The following CELF2 variants were observed in gnomAD, a reference collection of about 807,000 sequenced individuals.
CELF2 encodes the protein CUGBP Elav-like family member 2.
CELF2 carries 8 observed loss-of-function variants against 62.6 expected under a neutral mutation model. The ratio of observed to expected loss-of-function variants is 0.13; its 90% CI spans 0.07 to 0.23. The LOEUF (loss-of-function observed/expected upper bound fraction) is 0.23, where lower values mean the gene tolerates loss of function less well. CELF2 is among the 10% of genes least tolerant of loss of function. The pLI, the probability that CELF2 is intolerant of heterozygous loss-of-function variation, is 1.00. For synonymous variants in CELF2, 258 were observed against 250.0 expected (o/e 1.03, Z -0.30); for missense variants, 333 against 671.0 (o/e 0.50, Z 5.56).
At chr10:10,795,725 A>AAC (rs371208232), upstream of CELF2, among the ~76,000 whole-genome samples, 179 of 150,904 alleles carry the variant, frequency 1.2e-3, no homozygotes, top group African/African-American at 4.2e-3. Context: ...TGTAAACATA[A>AAC]ACACACACAC....
At chr10:11,002,755 G>A (rs1190262366), upstream of CELF2, among the ~76,000 whole-genome samples, 1 of 152,182 alleles carries the variant, frequency 6.6e-6, no homozygotes, top group Non-Finnish European at 1.5e-5. The surrounding 1 kb of genome is among the most constrained non-coding windows in gnomAD (Gnocchi z 4.4). Flanking sequence ...GAATATCTCA[G>A]TGTAGTCATC....
rs1283459414 is a variant in CELF2 at position 10,972,205 on chromosome 10, A to T, written c.89+52206A>T. On this transcript the variant is annotated intron_variant, in intron 2 of 13. Transcript: ENST00000636488. The surrounding 1 kb of genome is among the most constrained non-coding windows in gnomAD (Gnocchi z 4.4). The stretch of plus-strand genomic sequence containing the variant: ...TTCAGGGAAACTCGCTACCTAGGTT[A>T]TCCCAAAGCATGCACCAAAGAACAC... Among the ~76,000 whole-genome samples the T allele has an allele frequency of 1.3e-5, 2 of 152,204 alleles. No homozygotes were observed. Among genetic ancestry groups the T allele is most frequent in the African/African-American group, 4.8e-5 (2 of 41,448 alleles).
At chr10:11,301,508 TCCCACAGCACCCCCC>T (rs2093746843) in intron 9 of CELF2, among the ~76,000 whole-genome samples, 2 of 58,332 alleles carry the variant, frequency 3.4e-5, no homozygotes, top group African/African-American at 1.8e-4. Flanking sequence ...CCCACCCCGC[TCCCACAGCACCCCCC>T]ACCCCGCTCC....
At chr10:10,767,982 C>T in the CELF2 span, among the ~76,000 whole-genome samples, 2 of 106,032 alleles carry the variant, frequency 1.9e-5, no homozygotes, top group Non-Finnish European at 1.8e-5. Flanking sequence ...GGCGACAGAG[C>T]GAGACTCCGT....
Position 11,314,451 on chromosome 10 carries a change from T to C in CELF2, c.1096+193T>C, listed in dbSNP as rs1342102152. The C allele has an allele frequency of 4.3e-6, 3 of 692,486 alleles. No homozygotes were observed. The East Asian group carries it at 8.4e-5, about 19-fold the overall frequency. 42.9% of individuals were successfully genotyped at this position (692,486 alleles called of 1,614,324 possible). A position where few individuals can be genotyped will look rare whatever the true frequency, so the allele number is the denominator to read the frequency against. On this transcript the variant is annotated intron_variant, in intron 10 of 12. Transcript: ENST00000633077. The surrounding 1 kb of genome is among the most constrained non-coding windows in gnomAD (Gnocchi z 5.3). The stretch of plus-strand genomic sequence containing the variant: ...TTTGCCTCAGAAAATCCCCAACCAC[T>C]CTCCACCCCCAGATTCTCTTCAGTG...
chr10:10,758,747 C>G, the CELF2 span, among the ~76,000 whole-genome samples: 2 of 152,202 alleles, frequency 1.3e-5, no homozygotes, highest in Non-Finnish European at 2.9e-5. Context: ...TAAGTAGCAT[C>G]CAGTGTGTAA....
intron 1 of CELF2, among the ~76,000 whole-genome samples, chr10:11,153,572 G>T (rs1424109483): frequency 1.3e-5 from 2 of 152,148 alleles, no homozygotes; most frequent in Admixed American, 1.3e-4. Context: ...GTCACAGGTC[G>T]TACCTGACTC....
the CELF2 span, among the ~76,000 whole-genome samples, chr10:10,780,727 C>T: frequency 6.6e-6 from 1 of 152,214 alleles, no homozygotes; most frequent in Non-Finnish European, 1.5e-5. Flanking sequence ...CATCCACCTG[C>T]TTTGGCTTCC....
At chr10:10,857,682 T>TA (rs59587498) in intron 1 of CELF2, among the ~76,000 whole-genome samples, 22 of 135,694 alleles carry the variant, frequency 1.6e-4, no homozygotes, top group East Asian at 1.1e-3. Flanking sequence ...TATATATATA[T>TA]TTTACCTCAA....
chr10:11,156,087 C>G lies in CELF2; in HGVS notation c.75-9399C>G, dbSNP rs184321970. On this transcript the variant is annotated intron_variant, in intron 1 of 12. Coordinates refer to ENST00000633077, the MANE Select transcript of CELF2 (RefSeq NM_001326342.2). This position sits in a 1 kb window ranked among gnomAD's most constrained non-coding sequence, Gnocchi z 4.3. The stretch of plus-strand genomic sequence containing the variant: ...CTTTAGTCCAAATTAGGAAAGCCCA[C>G]CAACCAGTTTTATATTAATAATAAT... Among the ~76,000 whole-genome samples the G allele has an allele frequency of 3.9e-5, 6 of 152,234 alleles. No individual in the cohort carries two copies. In the East Asian group the frequency reaches 9.6e-4, roughly 24 times the overall value.
Position 11,141,043 on chromosome 10 carries a change from T to C in CELF2, c.75-24443T>C, listed in dbSNP as rs550725807. On this transcript the variant is annotated intron_variant, in intron 1 of 12. Transcript: ENST00000633077. ...AAAAATAAAGCATAGTTGCTAACTT[T>C]TGTGTATTCGTAGAGTCATTCATTG... Among the ~76,000 whole-genome samples the C allele has an allele frequency of 2.6e-5, 4 of 152,290 alleles. No homozygotes were observed. The South Asian group carries it at 6.2e-4, about 24-fold the overall frequency.
chr10:11,271,686 G>C (rs1370638885), intron 7 of CELF2, among the ~76,000 whole-genome samples: 1 of 150,602 alleles, frequency 6.6e-6, no homozygotes. Context: ...GTGAGTTTGG[G>C]CCTTTTATTC....
At chr10:10,538,506 CTCTG>C in the CELF2 span, among the ~76,000 whole-genome samples, 31 of 152,188 alleles carry the variant, frequency 2.0e-4, no homozygotes, top group Non-Finnish European at 4.4e-4. Context: ...GCAGCTCCCT[CTCTG>C]TCTGCTCTCC....
intron 1 of CELF2, among the ~76,000 whole-genome samples, chr10:10,850,840 C>G (rs541984137): frequency 1.3e-5 from 2 of 152,200 alleles, no homozygotes; most frequent in African/African-American, 2.4e-5. Context: ...AGTCTCTGCT[C>G]TGTCACCCAG....
intron 2 of CELF2, chr10:10,970,636 T>C (rs2050658271): frequency 6.6e-6 from 1 of 152,244 alleles, no homozygotes; most frequent in African/African-American, 2.4e-5. Context: ...TTCACATCTT[T>C]AAATGGTAAA....
At chr10:11,093,753 C>G (rs1304419228) in intron 1 of CELF2, among the ~76,000 whole-genome samples, 1 of 152,066 alleles carries the variant, frequency 6.6e-6, no homozygotes. Flanking sequence ...TTAACATGGT[C>G]CAAATTGTCT....
intron 1 of CELF2, among the ~76,000 whole-genome samples, chr10:10,900,202 A>G (rs189712425): frequency 5.4e-4 from 82 of 152,378 alleles, no homozygotes; most frequent in Admixed American, 1.8e-3. Context: ...AAAACTAAAA[A>G]GAGGGAATGC....
chr10:10,797,922 T>C (rs1392203303), upstream of CELF2, among the ~76,000 whole-genome samples: 2 of 152,094 alleles, frequency 1.3e-5, no homozygotes, highest in Non-Finnish European at 2.9e-5. Context: ...ACATCTCTCA[T>C]GCACAATTTC....
At chr10:11,063,236 C>T (rs2067247157) in intron 1 of CELF2, among the ~76,000 whole-genome samples, 1 of 152,148 alleles carries the variant, frequency 6.6e-6, no homozygotes, top group Non-Finnish European at 1.5e-5. Flanking sequence ...GCTGTATCCT[C>T]AAGGTATGTC....
Sources: allele counts gnomAD v4.1 joint callset (sites outside exome capture counted in the v4.1 genomes callset), GRCh38; gene constraint gnomAD v4.1.1; non-coding constraint Gnocchi (gnomAD v3.1); transcripts MANE v1.5; gene names NCBI Gene and HGNC (gene_info 2026-07-23, HGNC 2026-07-21).